BAZ2B: variants seen among roughly 807,000 people sequenced by gnomAD.
BAZ2B encodes the protein bromodomain adjacent to zinc finger domain 2B.
In BAZ2B, 91 loss-of-function variants were observed where a neutral mutation model predicts 246.0. That is an observed-to-expected ratio of 0.37 (90% confidence interval 0.31 to 0.44). The LOEUF is 0.44. Ranked by LOEUF, BAZ2B falls within the 20% of genes least tolerant of loss-of-function variation. The pLI, the probability that BAZ2B is intolerant of heterozygous loss-of-function variation, is 1.00. For synonymous variants in BAZ2B, 855 were observed against 860.0 expected, an observed-to-expected ratio of 0.99 and a Z score of 0.10; for missense variants, 2,332 against 2,533.7, an observed-to-expected ratio of 0.92 and a Z score of 1.71.
intron 3 of BAZ2B, among the ~76,000 whole-genome samples, chr2:159,455,897 A>C (rs2075714350): frequency 1.3e-5 from 2 of 150,918 alleles, no homozygotes; most frequent in Non-Finnish European, 2.9e-5. Flanking sequence ...GGTTCTCACC[A>C]GTCAATTCAA....
In BAZ2B at chr2:159,429,276, A is replaced by G. The variant is rs778767195; in HGVS notation, c.2195-16T>C. 2.6e-5 allele frequency: 39 copies of G among 1,481,084 alleles called. No homozygotes were observed. The highest frequency in any genetic ancestry group is 3.1e-5 in the Non-Finnish European group (34 of 1,090,206). The allele number at this position is 1,481,084 out of a possible 1,614,324, so 91.7% of individuals were successfully genotyped here. On this transcript the variant is annotated splice_polypyrimidine_tract_variant and intron_variant, in intron 10 of 36. Coordinates refer to ENST00000392783, the MANE Select transcript of BAZ2B (RefSeq NM_013450.4). ...TTGGAAGTGCCTTTAAAAAAATTCA[A>G]TTGGTTAATATAAAACATTCATTAA...
chr2:159,429,167 G>T, intron 11 of BAZ2B, 33 bp downstream of exon 11: 1 of 1,440,690 alleles, frequency 6.9e-7, no homozygotes, highest in Non-Finnish European at 9.4e-7. Context: ...ATATATGGGG[G>T]AAAAAGAAAA....
At chr2:159,617,409 C>A (rs1192613778), upstream of BAZ2B, among the ~76,000 whole-genome samples, 2 of 151,860 alleles carry the variant, frequency 1.3e-5, no homozygotes, top group East Asian at 3.9e-4. Context: ...CCTATAGATT[C>A]CTAAAAACAA....
At chr2:159,599,445 C>T (rs923789312) in intron 1 of BAZ2B, among the ~76,000 whole-genome samples, 4 of 151,424 alleles carry the variant, frequency 2.6e-5, no homozygotes, top group African/African-American at 9.7e-5. Context: ...ATGGAGAAAC[C>T]CCGTCTCTAC....
chr2:159,602,255 T>C (rs1692331906), intron 1 of BAZ2B, among the ~76,000 whole-genome samples: 1 of 152,026 alleles, frequency 6.6e-6, no homozygotes, highest in Non-Finnish European at 1.5e-5. Flanking sequence ...AATTCCACCA[T>C]ACATATCAGA....
intron 25 of BAZ2B, among the ~76,000 whole-genome samples, chr2:159,377,139 T>C (rs936103405): frequency 3.3e-5 from 5 of 152,172 alleles, no homozygotes; most frequent in African/African-American, 1.2e-4. Context: ...ATCTTCTAAT[T>C]GAAAGGGATC....
intron 2 of BAZ2B, among the ~76,000 whole-genome samples, chr2:159,551,245 G>A (rs1435086087): frequency 6.6e-6 from 1 of 152,070 alleles, no homozygotes; most frequent in Non-Finnish European, 1.5e-5. Context: ...CGAGGTGGGC[G>A]GATCACGAAG....
chr2:159,633,677 G>A, the BAZ2B span, among the ~76,000 whole-genome samples: 3 of 150,076 alleles, frequency 2.0e-5, no homozygotes, highest in Non-Finnish European at 4.4e-5. Context: ...TTGATAGCCA[G>A]TATGTTTCAG....
At chr2:159,614,561 G>A (rs1695451034) in intron 1 of BAZ2B, among the ~76,000 whole-genome samples, 1 of 151,780 alleles carries the variant, frequency 6.6e-6, no homozygotes, top group Non-Finnish European at 1.5e-5. Flanking sequence ...AAATCCATAA[G>A]GGAGAGTGGA....
rs945595462 is a variant in BAZ2B at position 159,616,422 on chromosome 2, CCTT to C, written c.-229_-227del. On this transcript the variant is annotated 5_prime_UTR_variant, in exon 1 of 37. Transcript: ENST00000392783. ...TGATCGGGAAAGCCTTCGACTCCCT[CCTT>C]CTCCGTCTTCCGCCTCTCTCTCTCT... is the stretch of plus-strand genomic sequence containing the variant. 5.9e-5 allele frequency: 9 copies of C among 152,208 alleles called. No individual in the cohort carries two copies. The highest frequency in any genetic ancestry group is 1.3e-4 in the Non-Finnish European group (9 of 68,068). The allele number at this position is 152,208 out of a possible 1,614,324, so 9.4% of individuals were successfully genotyped here.
intron 1 of BAZ2B, among the ~76,000 whole-genome samples, chr2:159,563,875 A>T (rs188919432): frequency 1.3e-5 from 2 of 152,340 alleles, no homozygotes; most frequent in Admixed American, 1.3e-4. Flanking sequence ...ATCACAAGCC[A>T]ATTTTAACAT....
At chr2:159,342,490 TC>T (rs2066903059) in intron 31 of BAZ2B, among the ~76,000 whole-genome samples, 1 of 152,116 alleles carries the variant, frequency 6.6e-6, no homozygotes, top group Non-Finnish European at 1.5e-5. Context: ...TTTGCCATGT[TC>T]CCCAGGCTGG....
intron 25 of BAZ2B, among the ~76,000 whole-genome samples, chr2:159,377,052 G>A (rs1388971869): frequency 1.3e-5 from 2 of 152,102 alleles, no homozygotes; most frequent in Non-Finnish European, 2.9e-5. Flanking sequence ...ACAACTCTAC[G>A]GAATGAAGGA....
chr2:159,689,933 T>A, the BAZ2B span: 1 of 370,670 alleles, frequency 2.7e-6, no homozygotes, highest in Admixed American at 4.2e-5. Context: ...CAAGTAACTA[T>A]CAGTAGTCTT....
At chr2:159,696,933 C>T in the BAZ2B span, among the ~76,000 whole-genome samples, 4 of 152,080 alleles carry the variant, frequency 2.6e-5, no homozygotes, top group Non-Finnish European at 4.4e-5. Flanking sequence ...ACTACAGGTG[C>T]GTGCCACCAC....
At chr2:159,595,631 A>G (rs1322584278) in intron 1 of BAZ2B, among the ~76,000 whole-genome samples, 1 of 152,232 alleles carries the variant, frequency 6.6e-6, no homozygotes, top group African/African-American at 2.4e-5. Flanking sequence ...AAAAGTTACA[A>G]TTAATATGAT....
In BAZ2B at chr2:159,385,314, A is replaced by G. The variant is rs748220330; in HGVS notation, c.3527T>C (p.Val1176Ala). The change falls in exon 23 of 37, where the codon GTT becomes GCT. Residue 1176 changes from valine (V) to alanine (A), a missense_variant. Val to Ala is a moderately conservative substitution (Grantham distance 64). Around this residue, in one of 9 missense-constraint regions of BAZ2B, gnomAD observed 328 missense variants for 410.4 expected, o/e 0.80. Transcript: ENST00000392783. Reference sequence around the variant, plus strand: ...CATAAATATCTGTAAAATCTCGGAAACATTGTCTCGATTCACACCAACATT... The same window carrying G: ...CATAAATATCTGTAAAATCTCGGAAGCATTGTCTCGATTCACACCAACATT... Reference protein sequence around the residue: ...LLNVGVNRDNVSEILQIFMEA... With the variant: ...LLNVGVNRDNASEILQIFMEA... 3.1e-6 allele frequency: 5 copies of G among 1,613,362 alleles called. No homozygotes were observed. The highest frequency in any genetic ancestry group is 1.7e-4 in the Middle Eastern group (1 of 6,016).
chr2:159,362,251 G>C (rs558520967), intron 27 of BAZ2B, among the ~76,000 whole-genome samples: 2 of 152,278 alleles, frequency 1.3e-5, no homozygotes, highest in African/African-American at 4.8e-5. Context: ...AGGTCAGAAG[G>C]CCTTCAGCTG....
At chr2:159,667,566 A>G in the BAZ2B span, among the ~76,000 whole-genome samples, 1 of 151,898 alleles carries the variant, frequency 6.6e-6, no homozygotes, top group African/African-American at 2.4e-5. Context: ...ACTGCACTGC[A>G]GCCTGGGTGA....
Sources: gnomAD v4.1 joint callset for allele counts (sites outside exome capture counted in the v4.1 genomes callset) on GRCh38, gnomAD v4.1.1 for gene constraint, gnomAD v4.1.1 regional missense constraint, MANE v1.5 for transcripts, NCBI Gene and HGNC (gene_info 2026-07-23, HGNC 2026-07-21) for gene names.